The following MACROD1 variants were observed in gnomAD, a reference collection of about 807,000 sequenced individuals.
The protein encoded by MACROD1 is mono-ADP ribosylhydrolase 1.
A neutral mutation model predicts 41.4 loss-of-function variants in MACROD1; 31 were observed. The observed-to-expected ratio is 0.75, with a 90% CI of 0.56 to 1.01. The LOEUF is 1.01. MACROD1 is among the 50% of genes least tolerant of loss of function. MACROD1 has a pLI of 0.00. For missense variants in MACROD1, 473 were observed against 460.0 expected (o/e 1.03, Z -0.26); for synonymous variants, 252 against 203.4 (o/e 1.24, Z -2.03).
intron 4 of MACROD1, chr11:64,001,368 A>T: frequency 1.4e-6 from 1 of 697,850 alleles, no homozygotes; most frequent in Admixed American, 2.0e-5. Context: ...GGCAGCTCTG[A>T]TCGCCCACGC....
intron 1 of MACROD1, among the ~76,000 whole-genome samples, chr11:64,158,568 G>T (rs1345506562): frequency 6.6e-6 from 1 of 152,146 alleles, no homozygotes; most frequent in South Asian, 2.1e-4. Flanking sequence ...TGTGATCCCA[G>T]CACAACCTCC....
chr11:64,042,140 C>T (rs1036062307), intron 3 of MACROD1, among the ~76,000 whole-genome samples: 3 of 152,150 alleles, frequency 2.0e-5, no homozygotes, highest in Non-Finnish European at 2.9e-5. Context: ...ATGTGCACCA[C>T]GCTCACACCT....
At chr11:64,155,597 T>G in intron 1 of MACROD1, among the ~76,000 whole-genome samples, 1 of 152,360 alleles carries the variant, frequency 6.6e-6, no homozygotes, top group East Asian at 1.9e-4. Flanking sequence ...CACTCCTTCC[T>G]GGCGGCTAAA....
intron 3 of MACROD1, among the ~76,000 whole-genome samples, chr11:64,100,591 C>T (rs943897173): frequency 6.6e-6 from 1 of 152,118 alleles, no homozygotes; most frequent in East Asian, 1.9e-4. Context: ...CTGCCAGGCG[C>T]ACGCATTTAC....
At position 64,041,199 on chromosome 11, in the gene MACROD1, T is replaced by TAAAAAAAAAAAAAAAAAA. The variant is rs71045724; in HGVS notation, c.518-25936_518-25919dup. ...AGATTACAACAGATTTAGCAAACTG[T>TAAAAAAAAAAAAAAAAAA]AAAAAAAAAAAAAAAAAAAAAAAAA... is the stretch of plus-strand genomic sequence containing the variant. On this transcript the variant is annotated intron_variant, in intron 3 of 10. Coordinates refer to ENST00000255681, the MANE Select transcript of MACROD1 (RefSeq NM_014067.4). Among the ~76,000 whole-genome samples, 24 of 21,600 alleles carry TAAAAAAAAAAAAAAAAAA rather than the reference T, an allele frequency of 1.1e-3. 6 individuals carry two copies. The highest frequency in any genetic ancestry group is 3.9e-3 in the African/African-American group (24 of 6,202). 14.2% of individuals were successfully genotyped at this position (21,600 alleles called of 152,430 possible).
chr11:64,026,374 G>A (rs1419474339), intron 3 of MACROD1, among the ~76,000 whole-genome samples: 1 of 152,088 alleles, frequency 6.6e-6, no homozygotes, highest in Non-Finnish European at 1.5e-5. Flanking sequence ...CCCACGCCCA[G>A]CCACCCATTC....
At chr11:64,155,875 G>A (rs976261885) in intron 1 of MACROD1, among the ~76,000 whole-genome samples, 24 of 152,108 alleles carry the variant, frequency 1.6e-4, no homozygotes, top group African/African-American at 4.8e-4. Flanking sequence ...TTGGGAGGCC[G>A]AGACAGGTGG....
Position 64,067,096 on chromosome 11 carries a change from A to C in MACROD1, c.518-51815T>G, listed in dbSNP as rs1192292635. Among the ~76,000 whole-genome samples the C allele has an allele frequency of 6.6e-6, 1 of 152,140 alleles. No homozygotes were observed. The highest frequency in any genetic ancestry group is 1.5e-5 in the Non-Finnish European group (1 of 68,026). On this transcript the variant is annotated intron_variant, in intron 3 of 10. Coordinates refer to ENST00000255681, the MANE Select transcript of MACROD1 (RefSeq NM_014067.4). The surrounding 1 kb of genome is among the most constrained non-coding windows in gnomAD (Gnocchi z 4.6). ...TTTGGGTAAACTAAGGCCTGGCAGA[A>C]TGGAAGCCATTCTCATTACACCACA...
At position 64,021,188 on chromosome 11, in the gene MACROD1, G is replaced by A. The variant is rs117944249; in HGVS notation, c.518-5907C>T. ...AGAGTCACTCAGCTGGATTTAAGCT[G>A]GGTCTGCCTGCCTGACTCCCAAGCT... On this transcript the variant is annotated intron_variant, in intron 3 of 10. Coordinates refer to ENST00000255681, the MANE Select transcript of MACROD1 (RefSeq NM_014067.4). 1.5e-3 allele frequency among the ~76,000 whole-genome samples: 225 copies of A among 152,322 alleles called. 3 individuals carry two copies. In the East Asian group the frequency reaches 0.039, roughly 27 times the overall value.
chr11:64,143,791 C>CACACACACACACACACACAT (rs1409452854), intron 3 of MACROD1, among the ~76,000 whole-genome samples: 1 of 146,256 alleles, frequency 6.8e-6, no homozygotes, highest in African/African-American at 2.5e-5. Flanking sequence ...CACACACACA[C>CACACACACACACACACACAT]ACACACACAC....
At chr11:64,041,068 G>T (rs370762776) in intron 3 of MACROD1, among the ~76,000 whole-genome samples, 2 of 151,838 alleles carry the variant, frequency 1.3e-5, no homozygotes, top group African/African-American at 4.8e-5. Context: ...GTCACGGGGC[G>T]CTAGTCCTGG....
intron 3 of MACROD1, among the ~76,000 whole-genome samples, chr11:64,050,915 G>A (rs952418315): frequency 2.6e-5 from 4 of 152,212 alleles, no homozygotes; most frequent in South Asian, 2.1e-4. Context: ...CACCGCGCCC[G>A]GCCACAGCCT....
At position 64,067,189 on chromosome 11, in the gene MACROD1, G is replaced by A. The variant is rs766627919; in HGVS notation, c.518-51908C>T. On this transcript the variant is annotated intron_variant, in intron 3 of 10. Transcript: ENST00000255681. The surrounding 1 kb of genome is among the most constrained non-coding windows in gnomAD (Gnocchi z 4.6). ...GCCATACCCACCTGTAGGCACATGC[G>A]GCTCCAAGGAGATGGCAGATGGGAG... 6.6e-6 allele frequency among the ~76,000 whole-genome samples: 1 copy of A among 152,146 alleles called. No individual in the cohort carries two copies. The highest frequency in any genetic ancestry group is 1.5e-5 in the Non-Finnish European group (1 of 68,018).
intron 3 of MACROD1, among the ~76,000 whole-genome samples, chr11:64,143,194 G>A (rs1164318000): frequency 6.6e-6 from 1 of 151,830 alleles, no homozygotes; most frequent in Non-Finnish European, 1.5e-5. Flanking sequence ...GGAAAGAAAG[G>A]AAGGAAGAAA....
chr11:64,088,020 G>A (rs918361104), intron 3 of MACROD1, among the ~76,000 whole-genome samples: 5 of 152,196 alleles, frequency 3.3e-5, no homozygotes, highest in African/African-American at 9.7e-5. Context: ...GAAACACCCC[G>A]GTGGTGGAGG....
chr11:64,151,857 A>G (rs1045470247), intron 2 of MACROD1, among the ~76,000 whole-genome samples: 1 of 152,324 alleles, frequency 6.6e-6, no homozygotes, highest in Non-Finnish European at 1.5e-5. Context: ...GGCCAGGCGC[A>G]GTTGCTGACG....
chr11:64,166,058 T>A lies in MACROD1; in HGVS notation c.-64A>T, dbSNP rs944876978. 3.5e-5 allele frequency: 43 copies of A among 1,235,242 alleles called. No homozygotes were observed. Among genetic ancestry groups the A allele is most frequent in the Non-Finnish European group, 4.1e-5 (41 of 990,344 alleles). 76.5% of individuals were successfully genotyped at this position (1,235,242 alleles called of 1,614,324 possible). ...TCTATTTACGGCGCTCGGGAGTGTC[T>A]CTCCCTTATTTACTCTGGGACCGGG... On this transcript the variant is annotated 5_prime_UTR_variant, in exon 1 of 11. Coordinates refer to ENST00000255681, the MANE Select transcript of MACROD1 (RefSeq NM_014067.4).
Position 64,122,694 on chromosome 11 carries a change from C to T in MACROD1, c.517+28545G>A, listed in dbSNP as rs1322599580. Among the ~76,000 whole-genome samples the T allele has an allele frequency of 2.0e-5, 3 of 152,150 alleles. No individual in the cohort carries two copies. The highest frequency in any genetic ancestry group is 3.9e-4 in the East Asian group (2 of 5,190). On this transcript the variant is annotated intron_variant, in intron 3 of 10. Transcript: ENST00000255681. The surrounding 1 kb of genome is among the most constrained non-coding windows in gnomAD (Gnocchi z 4.0). ...GGGGGTGTGCTAGGGAGGGGTCCAG[C>T]GTCACTCAGGAAACTGGTGCTCCAG... is the stretch of plus-strand genomic sequence containing the variant.
chr11:64,001,872 C>G (rs142078198), intron 4 of MACROD1: 2 of 663,042 alleles, frequency 3.0e-6, no homozygotes, highest in East Asian at 5.5e-5. Context: ...GAGTTCACAT[C>G]CTGGCTCTGC....
Sources: gnomAD v4.1 joint callset for allele counts (sites outside exome capture counted in the v4.1 genomes callset) on GRCh38, gnomAD v4.1.1 for gene constraint, Gnocchi (gnomAD v3.1) non-coding constraint, MANE v1.5 for transcripts, NCBI Gene and HGNC (gene_info 2026-07-23, HGNC 2026-07-21) for gene names.